IDE: variants seen among roughly 807,000 people sequenced by gnomAD.
IDE encodes the protein insulin-degrading enzyme.
A neutral mutation model predicts 133.2 loss-of-function variants in IDE; 58 were observed. The observed-to-expected ratio is 0.44, with a 90% CI of 0.35 to 0.54. The LOEUF (loss-of-function observed/expected upper bound fraction) is 0.54, where lower values mean the gene tolerates loss of function less well. IDE is among the 20% of genes least tolerant of loss of function. IDE has a pLI of 0.00. For missense variants in IDE, 981 were observed against 1,234.0 expected, an observed-to-expected ratio of 0.79 and a Z score of 3.07; for synonymous variants, 396 against 421.3, an observed-to-expected ratio of 0.94 and a Z score of 0.73.
intron 1 of IDE, among the ~76,000 whole-genome samples, chr10:92,566,328 G>T (rs1843543591): frequency 1.3e-5 from 2 of 151,710 alleles, no homozygotes; most frequent in Admixed American, 6.6e-5. Context: ...AGAGGTCAAG[G>T]CTGCAGTGAG....
chr10:92,546,805 C>T (rs544658195), intron 1 of IDE, among the ~76,000 whole-genome samples: 16 of 152,270 alleles, frequency 1.1e-4, no homozygotes, highest in African/African-American at 3.8e-4. Flanking sequence ...AAACTTGACA[C>T]TTCCAGTAAC....
intron 4 of IDE, among the ~76,000 whole-genome samples, chr10:92,528,403 G>C (rs1040735939): frequency 6.6e-6 from 1 of 151,790 alleles, no homozygotes; most frequent in African/African-American, 2.4e-5. Context: ...CTGTGGGTCA[G>C]GACCCATTAT....
intron 22 of IDE, among the ~76,000 whole-genome samples, chr10:92,460,591 A>G (rs1407347620): frequency 1.3e-5 from 2 of 152,236 alleles, no homozygotes; most frequent in African/African-American, 4.8e-5. Flanking sequence ...TACACTAACA[A>G]TAGCTGATAA....
chr10:92,459,204 C>T (rs954269311), intron 22 of IDE, among the ~76,000 whole-genome samples: 1 of 152,148 alleles, frequency 6.6e-6, no homozygotes, highest in Non-Finnish European at 1.5e-5. Flanking sequence ...GTGTAAGCAA[C>T]TCATGGATGA....
chr10:92,531,688 A>G, intron 4 of IDE, 60 bp downstream of exon 4: 2 of 808,412 alleles, frequency 2.5e-6, no homozygotes, highest in South Asian at 3.9e-5. Flanking sequence ...TACATAAAAT[A>G]TAATACTATG....
In IDE at chr10:92,561,118, C is replaced by T. The variant is rs190157879; in HGVS notation, c.98+12804G>A. Among the ~76,000 whole-genome samples, 40 of 150,818 alleles carry T rather than the reference C, an allele frequency of 2.7e-4. 1 individual carries two copies. The highest frequency in any genetic ancestry group is 7.9e-4 in the Admixed American group (12 of 15,152). On this transcript the variant is annotated intron_variant, in intron 1 of 24. Transcript: ENST00000265986. Reference sequence around the variant, plus strand: ...AAAAAAATACAAACATTAGCGGGCACGGTGGTGGGCGCCTGTAATCCCAGC... The same window carrying T: ...AAAAAAATACAAACATTAGCGGGCATGGTGGTGGGCGCCTGTAATCCCAGC...
At position 92,504,733 on chromosome 10, in the gene IDE, T is replaced by C; in HGVS notation, c.1430+61A>G. ...ATTTTATTCACAATTTCAAATTTTT[T>C]CAGATTCTAATCATTATTGAAAATT... On this transcript the variant is annotated intron_variant, in intron 11 of 24. Transcript: ENST00000265986. 5 of 868,014 alleles carry C rather than the reference T, an allele frequency of 5.8e-6. No homozygotes were observed. The South Asian group carries it at 7.3e-5, about 13-fold the overall frequency. 53.8% of individuals were successfully genotyped at this position (868,014 alleles called of 1,614,324 possible).
intron 20 of IDE, 49 bp from the exon 21 acceptor site, chr10:92,464,052 G>C (rs1370861685): frequency 1.3e-6 from 2 of 1,562,970 alleles, no homozygotes; most frequent in Admixed American, 3.8e-5. Flanking sequence ...TGAGACCTGG[G>C]TCATTTTTAA....
intron 1 of IDE, among the ~76,000 whole-genome samples, chr10:92,569,899 C>T (rs1843710596): frequency 1.3e-5 from 2 of 152,206 alleles, no homozygotes; most frequent in South Asian, 4.1e-4. Flanking sequence ...CACCTGAAGT[C>T]AGGAGTTCAA....
At chr10:92,484,456 G>A (rs1054069750) in intron 13 of IDE, among the ~76,000 whole-genome samples, 3 of 151,740 alleles carry the variant, frequency 2.0e-5, no homozygotes, top group African/African-American at 4.8e-5. Flanking sequence ...TGTGAGATAC[G>A]GTGCAGCAGC....
At chr10:92,465,907 G>T in intron 19 of IDE, 64 bp from the exon 20 acceptor site, 1 of 1,327,762 alleles carries the variant, frequency 7.5e-7, no homozygotes, top group Non-Finnish European at 1.1e-6. Context: ...TAAAGTCAAT[G>T]CTATGTCTGC....
intron 12 of IDE, among the ~76,000 whole-genome samples, chr10:92,489,221 G>C (rs1195815504): frequency 6.6e-6 from 1 of 152,154 alleles, no homozygotes; most frequent in Non-Finnish European, 1.5e-5. Context: ...CACTTAGTAA[G>C]TAATTTCACT....
At chr10:92,521,576 T>C (rs1168929855) in intron 4 of IDE, among the ~76,000 whole-genome samples, 1 of 152,006 alleles carries the variant, frequency 6.6e-6, no homozygotes, top group Non-Finnish European at 1.5e-5. Context: ...TCACTTTGGG[T>C]GACTCACTTT....
chr10:92,476,692 C>T (rs560183893), intron 15 of IDE, among the ~76,000 whole-genome samples: 1 of 152,264 alleles, frequency 6.6e-6, no homozygotes, highest in African/African-American at 2.4e-5. Context: ...AGTAAGTAAA[C>T]TCACCTGACA....
intron 4 of IDE, among the ~76,000 whole-genome samples, chr10:92,518,985 A>G (rs1481323124): frequency 6.6e-6 from 1 of 152,172 alleles, no homozygotes; most frequent in Non-Finnish European, 1.5e-5. Flanking sequence ...ACAGAGAATG[A>G]TCTGGCAAAT....
At chr10:92,459,822 CTCTTT>C (rs1343024426) in intron 22 of IDE, among the ~76,000 whole-genome samples, 2 of 136,090 alleles carry the variant, frequency 1.5e-5, no homozygotes, top group African/African-American at 5.6e-5. Context: ...TGGTGTGAAC[CTCTTT>C]TTTTTTTTTT....
chr10:92,533,105 G>A (rs1850033313), intron 3 of IDE, among the ~76,000 whole-genome samples: 1 of 152,116 alleles, frequency 6.6e-6, no homozygotes, highest in East Asian at 1.9e-4. Flanking sequence ...AAGCTGGATA[G>A]GCCCAGATAA....
rs142102179 is a variant in IDE, at chr10:92,487,212, T to C, written c.1640A>G (p.Tyr547Cys). Reference protein sequence around the residue: ...ILPLEKEATPYPALIKDTAMS... With the variant: ...ILPLEKEATPCPALIKDTAMS... The stretch of plus-strand genomic sequence containing the variant: ...ACACATTACCTTAATAAGAGCAGGG[T>C]ATGGTGTCGCCTCTTTTTCTAACGG... Residue 547 changes from tyrosine (Y) to cysteine (C), a missense_variant, in exon 13 of 25, where the codon TAC becomes TGC. Around this residue, in one of 2 missense-constraint regions of IDE, gnomAD observed 660 missense variants for 894.7 expected, o/e 0.74. Transcript: ENST00000265986. 3 of 1,613,208 alleles carry C rather than the reference T, an allele frequency of 1.9e-6. No individual in the cohort carries two copies. The African/African-American group carries it at 4.0e-5, about 22-fold the overall frequency.
chr10:92,495,763 G>T, intron 11 of IDE, among the ~76,000 whole-genome samples: 1 of 150,942 alleles, frequency 6.6e-6, no homozygotes, highest in East Asian at 1.9e-4. Context: ...ACAAAAGACA[G>T]AAAGTTGAAA....
Sources: allele counts gnomAD v4.1 joint callset (sites outside exome capture counted in the v4.1 genomes callset), GRCh38; gene constraint gnomAD v4.1.1; regional missense constraint gnomAD v4.1.1; transcripts MANE v1.5; gene names NCBI Gene and HGNC (gene_info 2026-07-23, HGNC 2026-07-21).